Variants in TNNI3K observed in about 807,000 individuals in gnomAD.
TNNI3K encodes the protein serine/threonine-protein kinase TNNI3K.
A neutral mutation model predicts 114.5 loss-of-function variants in TNNI3K; 140 were observed. The observed-to-expected ratio is 1.22, with a 90% CI of 1.07 to 1.41. The LOEUF is 1.41. TNNI3K is among the 40% of genes most tolerant of loss of function. The pLI, the probability that TNNI3K is intolerant of heterozygous loss-of-function variation, is 0.00. For missense variants in TNNI3K, 1,125 were observed against 1,007.6 expected (o/e 1.12, Z -1.58); for synonymous variants, 347 against 347.5 (o/e 1.00, Z 0.02).
chr1:74,368,288 T>C (rs914720915), intron 13 of TNNI3K, among the ~76,000 whole-genome samples: 2 of 151,732 alleles, frequency 1.3e-5, no homozygotes, highest in South Asian at 2.1e-4. Flanking sequence ...AGAAAACATA[T>C]GTGAAAAAAT....
intron 10 of TNNI3K, among the ~76,000 whole-genome samples, chr1:74,353,664 T>C (rs1661506254): frequency 6.7e-6 from 1 of 148,410 alleles, no homozygotes; most frequent in South Asian, 2.1e-4. Flanking sequence ...AAAAAAAACC[T>C]GTGATGGGTC....
intron 21 of TNNI3K, among the ~76,000 whole-genome samples, chr1:74,476,686 A>G (rs906822256): frequency 2.0e-5 from 3 of 152,206 alleles, no homozygotes; most frequent in African/African-American, 7.2e-5. Context: ...TGGTGTCAGT[A>G]CAGATTGAAT....
chr1:74,437,602 A>G (rs1390207823), intron 19 of TNNI3K, among the ~76,000 whole-genome samples: 1 of 151,846 alleles, frequency 6.6e-6, no homozygotes, highest in Non-Finnish European at 1.5e-5. Flanking sequence ...CTGGGGCAGG[A>G]GAGTTCTTGG....
At chr1:74,440,678 A>T (rs529293237) in intron 20 of TNNI3K, among the ~76,000 whole-genome samples, 66 of 152,128 alleles carry the variant, frequency 4.3e-4, no homozygotes, top group African/African-American at 1.5e-3. Flanking sequence ...CGTAATGATG[A>T]TGTAATTGTC....
chr1:74,310,359 A>C (rs1486013753), intron 5 of TNNI3K, among the ~76,000 whole-genome samples: 2 of 152,196 alleles, frequency 1.3e-5, no homozygotes, highest in Non-Finnish European at 2.9e-5. Flanking sequence ...ATGCTCATGG[A>C]TTGGAGAAAT....
chr1:74,501,695 G>T (rs1331113880), intron 23 of TNNI3K, among the ~76,000 whole-genome samples: 2 of 151,942 alleles, frequency 1.3e-5, no homozygotes, highest in African/African-American at 4.8e-5. Flanking sequence ...CACCATGTTG[G>T]TCAGGCTGGT....
At chr1:74,263,091 A>G (rs1452638351) in intron 4 of TNNI3K, among the ~76,000 whole-genome samples, 3 of 152,092 alleles carry the variant, frequency 2.0e-5, no homozygotes, top group Non-Finnish European at 4.4e-5. Flanking sequence ...GATATGAGAG[A>G]GTGGCAAAGA....
At chr1:74,348,790 C>T (rs774276384) in intron 9 of TNNI3K, among the ~76,000 whole-genome samples, 2 of 152,034 alleles carry the variant, frequency 1.3e-5, no homozygotes, top group South Asian at 2.1e-4. Flanking sequence ...TGATTTGGCT[C>T]TCTGTTTGTC....
At chr1:74,385,688 G>A (rs965482670) in intron 17 of TNNI3K, among the ~76,000 whole-genome samples, 1 of 152,158 alleles carries the variant, frequency 6.6e-6, no homozygotes, top group African/African-American at 2.4e-5. Context: ...ATAGCTGTCT[G>A]CAAAGGTTAA....
chr1:74,425,133 T>C (rs900855018), intron 17 of TNNI3K, among the ~76,000 whole-genome samples: 1 of 151,968 alleles, frequency 6.6e-6, no homozygotes, highest in African/African-American at 2.4e-5. Context: ...TTGGTGTGAG[T>C]AGAGCTTCAG....
intron 23 of TNNI3K, among the ~76,000 whole-genome samples, chr1:74,516,446 G>A (rs1399931470): frequency 6.6e-6 from 1 of 152,206 alleles, no homozygotes; most frequent in African/African-American, 2.4e-5. Flanking sequence ...GGCATGAGGT[G>A]TCACAGTAAA....
chr1:74,543,206 C>A (rs1646748666), intron 24 of TNNI3K, among the ~76,000 whole-genome samples: 1 of 151,132 alleles, frequency 6.6e-6, no homozygotes, highest in South Asian at 2.1e-4. Context: ...TCCTGAGTAG[C>A]TGAGACTACA....
intron 7 of TNNI3K, among the ~76,000 whole-genome samples, chr1:74,338,219 A>G (rs1241349227): frequency 6.6e-6 from 1 of 151,936 alleles, no homozygotes; most frequent in African/African-American, 2.4e-5. Flanking sequence ...CAGCATCCCC[A>G]ATATTTGATA....
intron 21 of TNNI3K, among the ~76,000 whole-genome samples, chr1:74,488,050 T>G (rs1557600792): frequency 6.6e-6 from 1 of 152,216 alleles, no homozygotes; most frequent in Non-Finnish European, 1.5e-5. Context: ...GAGGTCAGGC[T>G]ATTTTAATGA....
chr1:74,295,045 G>T (rs1197691651), intron 5 of TNNI3K, among the ~76,000 whole-genome samples: 1 of 151,638 alleles, frequency 6.6e-6, no homozygotes, highest in Non-Finnish European at 1.5e-5. Context: ...TACAGGGTTA[G>T]TGGTATACCT....
intron 2 of TNNI3K, among the ~76,000 whole-genome samples, chr1:74,247,862 G>A (rs573797224): frequency 2.5e-4 from 38 of 152,316 alleles, no homozygotes; most frequent in South Asian, 2.3e-3. Context: ...CGCAGGGGCC[G>A]CAGGCGGAGC....
intron 17 of TNNI3K, among the ~76,000 whole-genome samples, chr1:74,396,608 C>T (rs761239337): frequency 4.6e-5 from 7 of 152,140 alleles, no homozygotes; most frequent in Non-Finnish European, 8.8e-5. Context: ...AGCATCCGCC[C>T]GGGCAAGGAG....
chr1:74,513,496 C>G (rs934276474), intron 23 of TNNI3K, among the ~76,000 whole-genome samples: 1 of 152,244 alleles, frequency 6.6e-6, no homozygotes, highest in Non-Finnish European at 1.5e-5. Context: ...TTTGCATTCT[C>G]ACTGCAAGAG....
At chr1:74,460,348 A>C (rs776116574) in intron 20 of TNNI3K, among the ~76,000 whole-genome samples, 1 of 152,210 alleles carries the variant, frequency 6.6e-6, no homozygotes, top group South Asian at 2.1e-4. Flanking sequence ...TTACAAGAAC[A>C]TTTTTATCAG....
Sources: allele counts gnomAD v4.1 joint callset (sites outside exome capture counted in the v4.1 genomes callset), GRCh38; gene constraint gnomAD v4.1.1; transcripts MANE v1.5; gene names NCBI Gene and HGNC (gene_info 2026-07-23, HGNC 2026-07-21).